PRELID2: variants seen among roughly 807,000 people sequenced by gnomAD.
PRELID2 encodes PRELI domain containing 2, also known as PRELI domain-containing protein 2.
A neutral mutation model predicts 28.4 loss-of-function variants in PRELID2; 25 were observed. That is an observed-to-expected ratio of 0.88 (90% confidence interval 0.64 to 1.23). The LOEUF is 1.23. Among genes scored for constraint, PRELID2 ranks in the 50% most tolerant of loss-of-function variants. The pLI is 0.00. For synonymous variants in PRELID2, 76 were observed against 71.6 expected (o/e 1.06, Z -0.31); for missense variants, 201 against 214.4 (o/e 0.94, Z 0.39).
chr5:145,747,988 AG>A lies in PRELID2; in HGVS notation n.70+16942del, dbSNP rs533679862. Reference sequence around the variant, plus strand: ...TCATGTTAAAAACTCTCAATAAACTAGGTATTGATGGAACATATCTCAAAAT... The same window carrying A: ...TCATGTTAAAAACTCTCAATAAACTAGTATTGATGGAACATATCTCAAAAT... On this transcript the variant is annotated intron_variant and non_coding_transcript_variant, in intron 1 of 2. Transcript: ENST00000510259. Among the ~76,000 whole-genome samples, 475 of 152,340 alleles carry A rather than the reference AG, an allele frequency of 3.1e-3. 5 individuals carry two copies. Among genetic ancestry groups the A allele is most frequent in the African/African-American group, 0.011 (456 of 41,570 alleles).
At chr5:145,613,728 T>C (rs1183421318) in intron 1 of PRELID2, among the ~76,000 whole-genome samples, 3 of 152,156 alleles carry the variant, frequency 2.0e-5, no homozygotes, top group Non-Finnish European at 4.4e-5. Flanking sequence ...GATATTAGTC[T>C]TGTCAGATGT....
chr5:145,307,354 C>G, the PRELID2 span, among the ~76,000 whole-genome samples: 1 of 152,146 alleles, frequency 6.6e-6, no homozygotes, highest in Non-Finnish European at 1.5e-5. Flanking sequence ...ATGGCACAAG[C>G]AGCTAAGATC....
chr5:145,807,870 G>GTT (rs1306304771), intron 4 of PRELID2, among the ~76,000 whole-genome samples: 1 of 152,100 alleles, frequency 6.6e-6, no homozygotes, highest in East Asian at 1.9e-4. Flanking sequence ...TGTGACCTCA[G>GTT]TGCACAGCCA....
At position 145,673,716 on chromosome 5, in the gene PRELID2, G is replaced by C. The variant is rs114054496; in HGVS notation, n.70+91215C>G. On this transcript the variant is annotated intron_variant and non_coding_transcript_variant, in intron 1 of 2. Coordinates refer to the PRELID2 transcript ENST00000510259. ...GACACATGCAAAACAAACAAATTAT[G>C]AAAGATTAAAAGTAAAAAATGGATC... 5.8e-3 allele frequency among the ~76,000 whole-genome samples: 879 copies of C among 151,918 alleles called. 12 individuals are homozygous for C. Among genetic ancestry groups the C allele is most frequent in the African/African-American group, 0.02 (813 of 41,424 alleles).
the PRELID2 span, among the ~76,000 whole-genome samples, chr5:145,384,729 G>A: frequency 3.3e-5 from 5 of 152,204 alleles, no homozygotes; most frequent in East Asian, 1.9e-4. Context: ...CAATCATGGC[G>A]GAAGGTGAAG....
chr5:145,822,141 AGCAT>A (rs1003058173), intron 2 of PRELID2, among the ~76,000 whole-genome samples: 3 of 152,198 alleles, frequency 2.0e-5, no homozygotes, highest in African/African-American at 7.2e-5. Flanking sequence ...AAGGGTAAAG[AGCAT>A]GCTGGACCTA....
chr5:145,503,845 T>C (rs976669867), intron 1 of PRELID2, among the ~76,000 whole-genome samples: 1 of 152,192 alleles, frequency 6.6e-6, no homozygotes, highest in African/African-American at 2.4e-5. Context: ...AAATATACCA[T>C]AGGTTTACCC....
intron 4 of PRELID2, among the ~76,000 whole-genome samples, chr5:145,809,683 T>C (rs1409411972): frequency 6.6e-6 from 1 of 152,266 alleles, no homozygotes; most frequent in Non-Finnish European, 1.5e-5. Context: ...GATGCTGTGC[T>C]GAGTGTAGAA....
rs568169660 is a variant in PRELID2, at chr5:145,827,978, T to C, written c.76-4844A>G. Among the ~76,000 whole-genome samples the C allele has an allele frequency of 5.3e-5, 8 of 152,262 alleles. 1 individual carries two copies. The highest frequency in any genetic ancestry group is 2.1e-4 in the South Asian group (1 of 4,830). ...AAAGTATACTGTGGTTTGGGGAAGC[T>C]GGAAAAAAGTATGTGGGAATTCTTT... On this transcript the variant is annotated intron_variant, in intron 1 of 6. Transcript: ENST00000683046.
At chr5:145,340,824 G>A in the PRELID2 span, among the ~76,000 whole-genome samples, 1 of 141,496 alleles carries the variant, frequency 7.1e-6, no homozygotes, top group African/African-American at 2.6e-5. Flanking sequence ...ACTCACACTA[G>A]TGCCAGTGTA....
intron 1 of PRELID2, among the ~76,000 whole-genome samples, chr5:145,635,575 T>C (rs540420425): frequency 6.6e-6 from 1 of 152,306 alleles, no homozygotes; most frequent in South Asian, 2.1e-4. Flanking sequence ...ACACAGTGAA[T>C]AAATGGCACT....
intron 1 of PRELID2, among the ~76,000 whole-genome samples, chr5:145,523,593 G>T (rs1752582161): frequency 6.6e-6 from 1 of 152,104 alleles, no homozygotes; most frequent in Non-Finnish European, 1.5e-5. Flanking sequence ...TCTCTCTGTG[G>T]CCCCTACTTT....
chr5:145,516,129 A>T (rs1010483564), intron 1 of PRELID2, among the ~76,000 whole-genome samples: 1 of 152,190 alleles, frequency 6.6e-6, no homozygotes, highest in Non-Finnish European at 1.5e-5. Context: ...TAGTATTGGA[A>T]GTTCTGTCCA....
chr5:145,425,223 G>A, the PRELID2 span, among the ~76,000 whole-genome samples: 1 of 152,184 alleles, frequency 6.6e-6, no homozygotes, highest in Non-Finnish European at 1.5e-5. Context: ...TCTCATGCCA[G>A]TCAGAACGGC....
At chr5:145,590,227 T>G (rs892315893) in intron 1 of PRELID2, among the ~76,000 whole-genome samples, 1 of 152,164 alleles carries the variant, frequency 6.6e-6, no homozygotes, top group Non-Finnish European at 1.5e-5. Flanking sequence ...CCCAGATTAT[T>G]GGATGGTTCC....
At chr5:145,651,092 G>A (rs187672360) in intron 1 of PRELID2, among the ~76,000 whole-genome samples, 43 of 152,242 alleles carry the variant, frequency 2.8e-4, no homozygotes, top group African/African-American at 7.2e-4. Flanking sequence ...ATTAGCAAAC[G>A]GCACACCAGG....
At chr5:145,479,615 G>A (rs997834871) in intron 1 of PRELID2, among the ~76,000 whole-genome samples, 3 of 152,140 alleles carry the variant, frequency 2.0e-5, no homozygotes, top group Admixed American at 6.5e-5. Flanking sequence ...TGAGCACTGC[G>A]CCTGGTGCAC....
At chr5:145,500,241 A>G (rs373986523) in intron 1 of PRELID2, among the ~76,000 whole-genome samples, 1 of 152,094 alleles carries the variant, frequency 6.6e-6, no homozygotes. Context: ...TATTCTCATG[A>G]TAGTGAGTGT....
At chr5:145,669,937 T>C (rs1246927438) in intron 1 of PRELID2, among the ~76,000 whole-genome samples, 1 of 152,148 alleles carries the variant, frequency 6.6e-6, no homozygotes. Flanking sequence ...CACGTTCACC[T>C]GCAGCGAACT....
Sources: gnomAD v4.1 joint callset for allele counts (sites outside exome capture counted in the v4.1 genomes callset) on GRCh38, gnomAD v4.1.1 for gene constraint, MANE v1.5 for transcripts, NCBI Gene and HGNC (gene_info 2026-07-23, HGNC 2026-07-21) for gene names.